Variants in SLC49A3 observed in about 807,000 individuals in gnomAD.
The protein encoded by SLC49A3 is solute carrier family 49 member A3.
Under a neutral mutation model 43.8 loss-of-function variants are expected in SLC49A3, and 50 were observed. The observed-to-expected ratio is 1.14, with a 90% CI of 0.91 to 1.45. SLC49A3 has a LOEUF of 1.45. Ranked by LOEUF, SLC49A3 falls within the 40% of genes most tolerant of loss-of-function variation. The probability of loss-of-function intolerance (pLI) is 0.00; values close to 1 mark genes in which losing one functional copy is unlikely to be tolerated. For synonymous variants in SLC49A3, 413 were observed against 352.0 expected (o/e 1.17, Z -1.94); for missense variants, 906 against 774.1 (o/e 1.17, Z -2.02).
rs1577366352 is a variant in SLC49A3, at chr4:686,296, G to A, written c.301C>T (p.Leu101=). The A allele has an allele frequency of 6.2e-7, 1 of 1,613,084 alleles. No individual in the cohort carries two copies. Among genetic ancestry groups the A allele is most frequent in the Admixed American group, 1.7e-5 (1 of 60,006 alleles). ...DSVGLRAATI[L]GAWLNFAGSV... is the part of the protein sequence containing the mutation. Reference sequence around the variant, plus strand: ...CCGGCAAAGTTCAGCCACGCACCCAGGATGGTCTGCGAGGAGGGGGTCGGG... The same window carrying A: ...CCGGCAAAGTTCAGCCACGCACCCAAGATGGTCTGCGAGGAGGGGGTCGGG... Residue 101 remains leucine, a synonymous_variant, in exon 3 of 10, where the codon CTG becomes TTG. Coordinates refer to ENST00000322224, the MANE Select transcript of SLC49A3 (RefSeq NM_032219.4).
At chr4:679,565 C>G (rs1346393156), downstream of SLC49A3, among the ~76,000 whole-genome samples, 1 of 152,166 alleles carries the variant, frequency 6.6e-6, no homozygotes, top group Non-Finnish European at 1.5e-5. Flanking sequence ...TCGGTCCTGC[C>G]CTGGGAGCTG....
At position 686,096 on chromosome 4, in the gene SLC49A3, G is replaced by A; in HGVS notation, c.501C>T (p.Ala167=). The change falls in exon 3 of 10, where the codon GCC becomes GCT. Residue 167 remains alanine (A), a synonymous_variant. Coordinates refer to ENST00000322224, the MANE Select transcript of SLC49A3 (RefSeq NM_032219.4). ...TCCCTCCCCGGAACTCACACATGGT[G>A]GCGAGCATGTTGGCCGTGGCTCGCT... ...EHQRATANML[A]TMSNPLGVLV... is the part of the protein sequence containing the mutation. 1 of 1,613,146 alleles carries A rather than the reference G, an allele frequency of 6.2e-7. No individual in the cohort carries two copies. Among genetic ancestry groups the A allele is most frequent in the Non-Finnish European group, 8.5e-7 (1 of 1,179,966 alleles).
intron 9 of SLC49A3, 133 bp from the exon 10 acceptor site, chr4:682,509 C>G (rs1739969374): frequency 2.0e-6 from 2 of 992,262 alleles, no homozygotes; most frequent in African/African-American, 1.7e-5. Context: ...CCACTCGCAG[C>G]TCTTGACAGC....
At chr4:677,348 G>A (rs1373064520), downstream of SLC49A3, among the ~76,000 whole-genome samples, 1 of 152,186 alleles carries the variant, frequency 6.6e-6, no homozygotes, top group Non-Finnish European at 1.5e-5. Context: ...TGTGCCTGAG[G>A]CCATGGTATA....
At chr4:690,933 G>A (rs1382023929), upstream of SLC49A3, among the ~76,000 whole-genome samples, 1 of 152,230 alleles carries the variant, frequency 6.6e-6, no homozygotes, top group Admixed American at 6.5e-5. Context: ...TTACTCCAAG[G>A]AAAATTAAAT....
rs1170863920 is a variant in SLC49A3, at chr4:686,670, A to C, written c.156T>G (p.Pro52=). 3.1e-6 allele frequency: 5 copies of C among 1,612,918 alleles called. No individual in the cohort carries two copies. The highest frequency in any genetic ancestry group is 1.6e-4 in the Middle Eastern group (1 of 6,084). Residue 52 remains proline (P), a synonymous_variant, in exon 2 of 10, where the codon CCT becomes CCG. Transcript: ENST00000322224. Reference sequence around the variant, plus strand: ...AGTCCTCAGCAATGACGTCAGCCACAGGTGCAAAGCTGAGCCACAGCTGCA... The same window carrying C: ...AGTCCTCAGCAATGACGTCAGCCACCGGTGCAAAGCTGAGCCACAGCTGCA... ...SNATLWLSFA[P]VADVIAEDLV...
chr4:684,495 G>A lies in SLC49A3; in HGVS notation c.828C>T (p.Ser276=), dbSNP rs753422911. 3.7e-5 allele frequency: 59 copies of A among 1,612,864 alleles called. No homozygotes were observed. The highest frequency in any genetic ancestry group is 4.8e-5 in the Non-Finnish European group (57 of 1,179,912). Residue 276 remains serine, a synonymous_variant, in exon 6 of 10, where the codon AGC becomes AGT. Coordinates refer to ENST00000322224, the MANE Select transcript of SLC49A3 (RefSeq NM_032219.4). ...SALLEQILCA[S]GHSSGFSGLC... is the part of the protein sequence containing the mutation. ...GGGCCAGGCTCACACTGGAGTGGCCGCTTGCACAGAGGATCTGCTCCAGGA... is the reference window on the plus strand; with the variant it reads ...GGGCCAGGCTCACACTGGAGTGGCCACTTGCACAGAGGATCTGCTCCAGGA...
At chr4:688,016 T>C (rs1741388430) in intron 1 of SLC49A3, 1 of 152,262 alleles carries the variant, frequency 6.6e-6, no homozygotes, top group Non-Finnish European at 1.5e-5. Context: ...AGTGAAGAAC[T>C]GCAGCAGGAG....
downstream of SLC49A3, chr4:681,206 G>C: frequency 1.3e-6 from 2 of 1,547,962 alleles, no homozygotes; most frequent in South Asian, 2.3e-5. Context: ...TCAGCTGGGT[G>C]GAGGGGGACG....
At chr4:679,595 G>A (rs1336933481), downstream of SLC49A3, among the ~76,000 whole-genome samples, 2 of 152,166 alleles carry the variant, frequency 1.3e-5, no homozygotes, top group African/African-American at 2.4e-5. Context: ...TTCTCCTTGG[G>A]GTGGGAGGGT....
Position 683,363 on chromosome 4 carries a change from G to C in SLC49A3, c.998C>G (p.Ser333Cys). The change falls in exon 8 of 10, where the codon TCC becomes TGC. Residue 333 changes from serine to cysteine, a missense_variant. Coordinates refer to ENST00000322224, the MANE Select transcript of SLC49A3 (RefSeq NM_032219.4). ...SLACVPFALV[S>C]QLQGQTLALA... The stretch of plus-strand genomic sequence containing the variant: ...GGCAAGGGTCTGTCCCTGCAGCTGG[G>C]ACACCTGGGAGCAGCGGAACGGCAG... The C allele has an allele frequency of 6.2e-7, 1 of 1,609,468 alleles. No individual in the cohort carries two copies. The highest frequency in any genetic ancestry group is 8.5e-7 in the Non-Finnish European group (1 of 1,177,976).
chr4:683,160 G>C, intron 8 of SLC49A3, 50 bp downstream of exon 8: 1 of 1,609,976 alleles, frequency 6.2e-7, no homozygotes, highest in Non-Finnish European at 8.5e-7. Flanking sequence ...TGTAGGGGTG[G>C]AGCAAGGGGA....
At position 682,905 on chromosome 4, in the gene SLC49A3, C is replaced by A; in HGVS notation, c.1152-15G>T. On this transcript the variant is annotated splice_polypyrimidine_tract_variant and intron_variant, in intron 8 of 9. Coordinates refer to ENST00000322224, the MANE Select transcript of SLC49A3 (RefSeq NM_032219.4). ...CCTCGGCCTGCCTGGACACACGTGG[C>A]CCTCAGCCCCCGCTGCACTGCCCAC... The A allele has an allele frequency of 6.4e-7, 1 of 1,566,116 alleles. No individual in the cohort carries two copies. Among genetic ancestry groups the A allele is most frequent in the Non-Finnish European group, 8.7e-7 (1 of 1,151,664 alleles).
downstream of SLC49A3, chr4:678,318 C>T: frequency 7.0e-7 from 1 of 1,426,708 alleles, no homozygotes; most frequent in Non-Finnish European, 9.2e-7. Context: ...AATCCCGGTA[C>T]CCAGAACAAG....
rs753422911 is a variant in SLC49A3 at position 684,495 on chromosome 4, G to T, written c.828C>A (p.Ser276Arg). 1.1e-5 allele frequency: 17 copies of T among 1,612,982 alleles called. No homozygotes were observed. Among genetic ancestry groups the T allele is most frequent in the Non-Finnish European group, 1.4e-5 (16 of 1,179,904 alleles). ...SALLEQILCA[S>R]GHSSGFSGLC... is the part of the protein sequence containing the mutation. The stretch of plus-strand genomic sequence containing the variant: ...GGGCCAGGCTCACACTGGAGTGGCC[G>T]CTTGCACAGAGGATCTGCTCCAGGA... Residue 276 changes from serine to arginine, a missense_variant, in exon 6 of 10, where the codon AGC becomes AGA. By Grantham distance (110) the Ser-to-Arg change is moderately radical. Coordinates refer to ENST00000322224, the MANE Select transcript of SLC49A3 (RefSeq NM_032219.4).
chr4:678,561 C>G (rs1739094507), downstream of SLC49A3: 6 of 1,503,442 alleles, frequency 4.0e-6, no homozygotes, highest in Non-Finnish European at 5.3e-6. Flanking sequence ...GGGCTGAGGT[C>G]CACCCTTCAT....
downstream of SLC49A3, chr4:679,914 G>A (rs775871866): frequency 6.2e-7 from 1 of 1,613,586 alleles, no homozygotes; most frequent in South Asian, 1.1e-5. Context: ...TCTGTAACAG[G>A]CAAGACCAAC....
chr4:685,693 G>A lies in SLC49A3; in HGVS notation c.585+142C>T, dbSNP rs1740854564. The A allele has an allele frequency of 1.2e-6, 1 of 844,058 alleles. No individual in the cohort carries two copies. The highest frequency in any genetic ancestry group is 2.2e-5 in the Admixed American group (1 of 44,932). 52.3% of individuals were successfully genotyped at this position (844,058 alleles called of 1,614,324 possible). ...TGCAATTCAGCCTGAGCGACAGGCT[G>A]AGACTCCTTCTCGGGTGGCGGGGCG... On this transcript the variant is annotated intron_variant, in intron 4 of 9. Coordinates refer to ENST00000322224, the MANE Select transcript of SLC49A3 (RefSeq NM_032219.4). This position sits in a 1 kb window ranked among gnomAD's most constrained non-coding sequence, Gnocchi z 4.3.
chr4:685,654 C>T lies in SLC49A3; in HGVS notation c.585+181G>A, dbSNP rs1238545369. On this transcript the variant is annotated intron_variant, in intron 4 of 9. Transcript: ENST00000322224. This position sits in a 1 kb window ranked among gnomAD's most constrained non-coding sequence, Gnocchi z 4.3. ...CCAGTAGGCGGAGGTTGCAGTGAGC[C>T]GAGATCGCGCCACTGCAATTCAGCC... 2.6e-5 allele frequency among the ~76,000 whole-genome samples: 4 copies of T among 151,938 alleles called. No individual in the cohort carries two copies. Among genetic ancestry groups the T allele is most frequent in the Non-Finnish European group, 1.5e-5 (1 of 67,986 alleles).
Sources: gnomAD v4.1 joint callset for allele counts (sites outside exome capture counted in the v4.1 genomes callset) on GRCh38, gnomAD v4.1.1 for gene constraint, Gnocchi (gnomAD v3.1) non-coding constraint, MANE v1.5 for transcripts, NCBI Gene and HGNC (gene_info 2026-07-23, HGNC 2026-07-21) for gene names.